CTNNA3: variants seen among roughly 807,000 people sequenced by gnomAD.
CTNNA3 encodes the protein catenin alpha 3, also known as catenin alpha-3.
In CTNNA3, 76 loss-of-function variants were observed where a neutral mutation model predicts 95.7. That is an observed-to-expected ratio of 0.79 (90% CI 0.66 to 0.96). The LOEUF is 0.96. Ranked by LOEUF, CTNNA3 falls within the 40% of genes least tolerant of loss-of-function variation. The pLI is 0.00. For synonymous variants in CTNNA3, 431 were observed against 374.4 expected (o/e 1.15, Z -1.74); for missense variants, 1,191 against 1,089.8 (o/e 1.09, Z -1.31).
intron 15 of CTNNA3, among the ~76,000 whole-genome samples, chr10:66,035,730 T>G (rs752940956): frequency 1.3e-5 from 2 of 152,130 alleles, no homozygotes; most frequent in East Asian, 3.9e-4. Context: ...AGTGACCATG[T>G]GTCACTTATA....
chr10:66,746,673 A>T (rs1311694259), intron 9 of CTNNA3, among the ~76,000 whole-genome samples: 1 of 152,000 alleles, frequency 6.6e-6, no homozygotes, highest in African/African-American at 2.4e-5. Flanking sequence ...CTATAAGTGG[A>T]TACCTTCTAT....
At chr10:66,726,115 T>C (rs569377616) in intron 9 of CTNNA3, among the ~76,000 whole-genome samples, 1 of 152,090 alleles carries the variant, frequency 6.6e-6, no homozygotes, top group Non-Finnish European at 1.5e-5. Context: ...AATGTAGTTA[T>C]AAGAGCTCGA....
chr10:66,589,144 T>G (rs1714289556), intron 10 of CTNNA3, among the ~76,000 whole-genome samples: 1 of 152,020 alleles, frequency 6.6e-6, no homozygotes, highest in South Asian at 2.1e-4. Context: ...CACTTTGTCC[T>G]GAAGTTGGTT....
chr10:66,772,882 A>G (rs1244567823), intron 8 of CTNNA3, among the ~76,000 whole-genome samples: 2 of 152,226 alleles, frequency 1.3e-5, no homozygotes, highest in East Asian at 1.9e-4. Flanking sequence ...TTTTACTAAA[A>G]AAAGTTTTAA....
chr10:66,671,085 G>C (rs1564608724), intron 9 of CTNNA3, among the ~76,000 whole-genome samples: 1 of 152,132 alleles, frequency 6.6e-6, no homozygotes, highest in Non-Finnish European at 1.5e-5. Flanking sequence ...ATTACAATTA[G>C]AGATGTCTTT....
At chr10:67,706,545 G>T (rs1841079872) in intron 1 of CTNNA3, among the ~76,000 whole-genome samples, 1 of 151,858 alleles carries the variant, frequency 6.6e-6, no homozygotes, top group Non-Finnish European at 1.5e-5. Context: ...CAGAAGTGAT[G>T]AAAAAAAACT....
At chr10:66,268,246 C>T (rs1000881149) in intron 13 of CTNNA3, among the ~76,000 whole-genome samples, 2 of 152,092 alleles carry the variant, frequency 1.3e-5, no homozygotes, top group Non-Finnish European at 2.9e-5. Flanking sequence ...AGATGGGGTT[C>T]GTGTCTCCTC....
At chr10:66,435,260 T>C (rs1368615617) in intron 11 of CTNNA3, among the ~76,000 whole-genome samples, 4 of 152,180 alleles carry the variant, frequency 2.6e-5, no homozygotes, top group African/African-American at 7.2e-5. Flanking sequence ...AATTTGGCTG[T>C]GAATCTGTCT....
intron 1 of CTNNA3, among the ~76,000 whole-genome samples, chr10:67,710,563 T>G (rs2133610576): frequency 6.6e-6 from 1 of 152,086 alleles, no homozygotes; most frequent in East Asian, 1.9e-4. Flanking sequence ...AACTAGAGAG[T>G]ATCACACAGT....
At chr10:67,048,190 A>C (rs1257234933) in intron 7 of CTNNA3, among the ~76,000 whole-genome samples, 2 of 152,054 alleles carry the variant, frequency 1.3e-5, no homozygotes, top group Non-Finnish European at 2.9e-5. Flanking sequence ...ACAAACAAAA[A>C]TAACAGTAGG....
chr10:66,268,448 C>G (rs2091206194), intron 13 of CTNNA3, among the ~76,000 whole-genome samples: 1 of 152,174 alleles, frequency 6.6e-6, no homozygotes, highest in Admixed American at 6.5e-5. Context: ...GTGAGAAAGC[C>G]AAGCCCCATA....
chr10:66,241,530 A>T (rs1286900626), intron 13 of CTNNA3, among the ~76,000 whole-genome samples: 2 of 152,194 alleles, frequency 1.3e-5, no homozygotes, highest in Non-Finnish European at 2.9e-5. Context: ...ATTTAAAATC[A>T]GAAAACTGAG....
At chr10:67,273,684 A>T (rs1407573100) in intron 5 of CTNNA3, among the ~76,000 whole-genome samples, 1 of 152,214 alleles carries the variant, frequency 6.6e-6, no homozygotes, top group Non-Finnish European at 1.5e-5. Context: ...GGTGTCAAAA[A>T]ATAGAGAAAT....
chr10:67,470,684 A>C lies in CTNNA3; in HGVS notation c.579+51158T>G, dbSNP rs559373068. Among the ~76,000 whole-genome samples, 7 of 152,120 alleles carry C rather than the reference A, an allele frequency of 4.6e-5. No homozygotes were observed. In the South Asian group the frequency reaches 1.5e-3, roughly 32 times the overall value. Reference sequence around the variant, plus strand: ...ACACACACACCGCAGTGAGACTATAACTATGACCCAAATCTGTGTTACTTT... The same window carrying C: ...ACACACACACCGCAGTGAGACTATACCTATGACCCAAATCTGTGTTACTTT... On this transcript the variant is annotated intron_variant, in intron 5 of 17. Transcript: ENST00000433211.
At chr10:66,340,527 T>C (rs1196472067) in intron 12 of CTNNA3, among the ~76,000 whole-genome samples, 1 of 151,882 alleles carries the variant, frequency 6.6e-6, no homozygotes, top group African/African-American at 2.4e-5. Context: ...TATTACTATG[T>C]CTGAAGACAG....
At chr10:66,489,511 C>T (rs1589323146) in intron 11 of CTNNA3, among the ~76,000 whole-genome samples, 1 of 152,088 alleles carries the variant, frequency 6.6e-6, no homozygotes, top group East Asian at 1.9e-4. Flanking sequence ...AAAAACTAGT[C>T]ACTATTTCTT....
At chr10:67,041,459 G>A (rs1854391677) in intron 7 of CTNNA3, among the ~76,000 whole-genome samples, 1 of 152,134 alleles carries the variant, frequency 6.6e-6, no homozygotes, top group Non-Finnish European at 1.5e-5. Context: ...ATATTGGAAA[G>A]GTAATCACCA....
chr10:66,765,289 C>A (rs895811618), intron 9 of CTNNA3, among the ~76,000 whole-genome samples: 8 of 152,124 alleles, frequency 5.3e-5, no homozygotes, highest in African/African-American at 1.9e-4. Flanking sequence ...AATTCACGTG[C>A]TGATTATTAG....
intron 13 of CTNNA3, among the ~76,000 whole-genome samples, chr10:66,240,475 C>T (rs1407806490): frequency 6.6e-6 from 1 of 151,984 alleles, no homozygotes; most frequent in African/African-American, 2.4e-5. Flanking sequence ...CCTACAGATC[C>T]CTGTAAGAAA....
Sources: allele counts gnomAD v4.1 joint callset (sites outside exome capture counted in the v4.1 genomes callset), GRCh38; gene constraint gnomAD v4.1.1; transcripts MANE v1.5; gene names NCBI Gene and HGNC (gene_info 2026-07-23, HGNC 2026-07-21).